The following DOCK7 variants were observed in gnomAD, a reference collection of about 807,000 sequenced individuals.
The protein encoded by DOCK7 is dedicator of cytokinesis protein 7.
DOCK7 carries 138 observed loss-of-function variants against 271.0 expected under a neutral mutation model. That is an observed-to-expected ratio of 0.51 (90% CI 0.44 to 0.59). The LOEUF (loss-of-function observed/expected upper bound fraction) is 0.59, where lower values mean the gene tolerates loss of function less well. Ranked by LOEUF, DOCK7 falls within the 20% of genes least tolerant of loss-of-function variation. The pLI is 0.00. For missense variants in DOCK7, 2,066 were observed against 2,592.4 expected (o/e 0.80, Z 4.41); for synonymous variants, 823 against 876.1 (o/e 0.94, Z 1.07).
chr1:62,643,344 A>G (rs1466186416), intron 7 of DOCK7, among the ~76,000 whole-genome samples: 3 of 152,216 alleles, frequency 2.0e-5, no homozygotes, highest in Non-Finnish European at 4.4e-5. Context: ...AGTGCAGCAA[A>G]AACTAACTGC....
Position 62,554,255 on chromosome 1 carries a change from G to C in DOCK7, c.2597-1354C>G, listed in dbSNP as rs558473568. ...TGGGAGGCCAAGGCAGGCGGACCAC[G>C]AGTTCAGGAGACTGAGACCATCCTG... On this transcript the variant is annotated intron_variant, in intron 21 of 49. Coordinates refer to ENST00000635253, the MANE Select transcript of DOCK7 (RefSeq NM_001367561.1). Among the ~76,000 whole-genome samples the C allele has an allele frequency of 1.4e-4, 22 of 152,168 alleles. No individual in the cohort carries two copies. The South Asian group carries it at 4.4e-3, about 30-fold the overall frequency.
At chr1:62,638,557 T>TTTTTCATGAATATATA (rs1249237331) in intron 7 of DOCK7, among the ~76,000 whole-genome samples, 1 of 146,240 alleles carries the variant, frequency 6.8e-6, no homozygotes, top group Non-Finnish European at 1.5e-5. Context: ...ATATATATAT[T>TTTTTCATGAATATATA]TTTTCATGAA....
At chr1:62,545,151 T>C in intron 22 of DOCK7, 112 bp from the exon 23 acceptor site, 1 of 1,078,922 alleles carries the variant, frequency 9.3e-7, no homozygotes. Flanking sequence ...TTTTAATTAG[T>C]ACTGTTAAAG....
At chr1:62,610,834 T>C (rs1188907878) in intron 14 of DOCK7, among the ~76,000 whole-genome samples, 1 of 152,226 alleles carries the variant, frequency 6.6e-6, no homozygotes, top group African/African-American at 2.4e-5. Flanking sequence ...GGTGTATATG[T>C]GCCACATTTT....
chr1:62,455,721 C>T (rs963132127), intron 49 of DOCK7, among the ~76,000 whole-genome samples: 11 of 152,098 alleles, frequency 7.2e-5, no homozygotes, highest in African/African-American at 2.4e-4. Context: ...ATAAACAAGA[C>T]AAGGACTTAA....
chr1:62,620,231 G>C (rs1418710334), intron 12 of DOCK7, among the ~76,000 whole-genome samples: 1 of 151,910 alleles, frequency 6.6e-6, no homozygotes, highest in Admixed American at 6.6e-5. Context: ...GCTGAGGCAG[G>C]AGAATCACGG....
At chr1:62,540,302 T>C (rs1277539572) in intron 25 of DOCK7, among the ~76,000 whole-genome samples, 1 of 151,880 alleles carries the variant, frequency 6.6e-6, no homozygotes, top group Non-Finnish European at 1.5e-5. Flanking sequence ...GCCTCCTGAG[T>C]AGCTAGGACT....
At position 62,555,844 on chromosome 1, in the gene DOCK7, G is replaced by A. The variant is rs761110397; in HGVS notation, c.2577C>T (p.Tyr859=). 7 of 1,611,814 alleles carry A rather than the reference G, an allele frequency of 4.3e-6. No individual in the cohort carries two copies. The highest frequency in any genetic ancestry group is 5.9e-6 in the Non-Finnish European group (7 of 1,179,186). ...IHYVFRLPNT[Y]PNSSSPGPGG... is the part of the protein sequence containing the mutation. Reference sequence around the variant, plus strand: ...AAATACCTGGTGATGATGAATTAGGGTAAGTATTTGGTAGGCGGAAAACAT... The same window carrying A: ...AAATACCTGGTGATGATGAATTAGGATAAGTATTTGGTAGGCGGAAAACAT... The change falls in exon 21 of 50, where the codon TAC becomes TAT. Residue 859 remains tyrosine, a synonymous_variant. Transcript: ENST00000635253.
In DOCK7 at chr1:62,619,921, G is replaced by A. The variant is rs1652935491; in HGVS notation, c.1498C>T (p.Arg500Trp). 1 of 1,612,618 alleles carries A rather than the reference G, an allele frequency of 6.2e-7. No homozygotes were observed. Among genetic ancestry groups the A allele is most frequent in the Non-Finnish European group, 8.5e-7 (1 of 1,179,042 alleles). ...ADMRRPSSVL[R>W]RLRPITAQLK... ...ATACCTGTAATAGGTCTTAGTCGCC[G>A]TAAGACAGAAGATGGCCTTCTCATA... is the stretch of plus-strand genomic sequence containing the variant. Residue 500 changes from arginine (R) to tryptophan (W), a missense_variant, in exon 13 of 50, where the codon CGG becomes TGG. By Grantham distance (101) the Arg-to-Trp change is moderately radical. Transcript: ENST00000635253.
chr1:62,518,573 CAAA>C (rs1228634392), intron 31 of DOCK7, among the ~76,000 whole-genome samples: 1 of 98,138 alleles, frequency 1.0e-5, no homozygotes. Context: ...GACTCCATCT[CAAA>C]AAAAAAAAAA....
At chr1:62,584,268 T>C (rs1442391468) in intron 15 of DOCK7, 1 of 973,010 alleles carries the variant, frequency 1.0e-6, no homozygotes, top group Non-Finnish European at 1.2e-6. Flanking sequence ...TTTCCTAAGA[T>C]ATATATTATT....
At chr1:62,639,212 T>C (rs1003237456) in intron 7 of DOCK7, among the ~76,000 whole-genome samples, 1 of 152,064 alleles carries the variant, frequency 6.6e-6, no homozygotes, top group African/African-American at 2.4e-5. Flanking sequence ...TGTATTTTCA[T>C]ATAAATTATA....
rs550854175 is a variant in DOCK7 at position 62,585,020 on chromosome 1, T to G, written c.1800+1487A>C. The G allele has an allele frequency of 6.3e-6, 3 of 474,668 alleles. No individual in the cohort carries two copies. The East Asian group carries it at 9.9e-5, about 16-fold the overall frequency. The allele number at this position is 474,668 out of a possible 1,614,324, so 29.4% of individuals were successfully genotyped here. ...CACACATAGGCTGACCAAGTATCTATTTTCACAATCTAGTATCTTTTCATC... is the reference window on the plus strand; with the variant it reads ...CACACATAGGCTGACCAAGTATCTAGTTTCACAATCTAGTATCTTTTCATC... On this transcript the variant is annotated intron_variant, in intron 15 of 49. Coordinates refer to ENST00000635253, the MANE Select transcript of DOCK7 (RefSeq NM_001367561.1).
At chr1:62,597,826 T>C (rs778944989) in intron 14 of DOCK7, 7 of 1,609,296 alleles carry the variant, frequency 4.3e-6, no homozygotes, top group Middle Eastern at 1.7e-4. Context: ...GATCTATCGC[T>C]GCAAACCAGT....
At chr1:62,605,961 TAAAGGATATAG>T (rs1037270120) in intron 14 of DOCK7, 16 of 152,022 alleles carry the variant, frequency 1.1e-4, no homozygotes, top group Non-Finnish European at 2.1e-4. Context: ...ACCCATTTGT[TAAAGGATATAG>T]TGCCCAAGTT....
chr1:62,487,210 G>A (rs1183119328), intron 43 of DOCK7, 188 bp downstream of exon 43: 2 of 521,268 alleles, frequency 3.8e-6, no homozygotes, highest in South Asian at 3.1e-5. Flanking sequence ...CACTGCCTAC[G>A]ACCTCATAAT....
At chr1:62,515,536 A>G (rs983977440) in intron 31 of DOCK7, among the ~76,000 whole-genome samples, 1 of 152,246 alleles carries the variant, frequency 6.6e-6, no homozygotes, top group Admixed American at 6.5e-5. Flanking sequence ...ACAAACAGGC[A>G]TATGCTGACA....
At chr1:62,688,047 G>A (rs972923729) in intron 1 of DOCK7, among the ~76,000 whole-genome samples, 180 bp downstream of exon 1, 11 of 151,500 alleles carry the variant, frequency 7.3e-5, no homozygotes, top group African/African-American at 2.7e-4. Context: ...GTTCGAGGGC[G>A]GCGCGAGGCC....
chr1:62,483,919 T>G (rs892006957), intron 43 of DOCK7: 2 of 152,202 alleles, frequency 1.3e-5, no homozygotes, highest in Non-Finnish European at 2.9e-5. Context: ...ATTTACCCAC[T>G]TGACTACCCA....
Sources: gnomAD v4.1 joint callset for allele counts (sites outside exome capture counted in the v4.1 genomes callset) on GRCh38, gnomAD v4.1.1 for gene constraint, MANE v1.5 for transcripts, NCBI Gene and HGNC (gene_info 2026-07-23, HGNC 2026-07-21) for gene names.